The following PAXX variants were observed in gnomAD, a reference collection of about 807,000 sequenced individuals.
The protein encoded by PAXX is PAXX non-homologous end joining factor, also known as protein PAXX.
Under a neutral mutation model 25.6 loss-of-function variants are expected in PAXX, and 27 were observed. That is an observed-to-expected ratio of 1.06 (90% confidence interval 0.78 to 1.46). The LOEUF (loss-of-function observed/expected upper bound fraction) is 1.46, where lower values mean the gene tolerates loss of function less well. Ranked by LOEUF, PAXX falls within the 40% of genes most tolerant of loss-of-function variation. PAXX has a pLI of 0.00. For synonymous variants in PAXX, 126 were observed against 125.7 expected, an observed-to-expected ratio of 1.00 and a Z score of -0.02; for missense variants, 295 against 280.2, an observed-to-expected ratio of 1.05 and a Z score of -0.38.
rs758022434 is a variant in PAXX at position 136,993,573 on chromosome 9, C to T, written c.491-7C>T. On this transcript the variant is annotated splice_polypyrimidine_tract_variant and splice_region_variant and intron_variant, in intron 5 of 6. Transcript: ENST00000371620. Reference sequence around the variant, plus strand: ...TCAGGAGCTGCCCCTGTCCTGTTTTCCCCCAGACCCAGATCCCCAGAGAGG... The same window carrying T: ...TCAGGAGCTGCCCCTGTCCTGTTTTTCCCCAGACCCAGATCCCCAGAGAGG... 1.9e-6 allele frequency: 3 copies of T among 1,613,690 alleles called. No homozygotes were observed. The highest frequency in any genetic ancestry group is 3.3e-5 in the Admixed American group (2 of 60,002).
Position 136,993,877 on chromosome 9 carries a change from A to T in PAXX, c.*72A>T, listed in dbSNP as rs1034274207. On this transcript the variant is annotated 3_prime_UTR_variant, in exon 7 of 7. Transcript: ENST00000371620. Reference sequence around the variant, plus strand: ...AGAGGCAGTCTTTGAGGCCCCCATCAGAGACCCCCCGCCACCACCTCCACC... The same window carrying T: ...AGAGGCAGTCTTTGAGGCCCCCATCTGAGACCCCCCGCCACCACCTCCACC... 21 of 1,498,856 alleles carry T rather than the reference A, an allele frequency of 1.4e-5. No individual in the cohort carries two copies. The East Asian group carries it at 1.6e-4, about 12-fold the overall frequency. The allele number at this position is 1,498,856 out of a possible 1,614,324, so 92.8% of individuals were successfully genotyped here.
chr9:136,993,162 G>C lies in PAXX; in HGVS notation c.340G>C (p.Gly114Arg). The change falls in exon 4 of 7, where the codon GGC becomes CGC. Residue 114 changes from glycine (G) to arginine (R), a missense_variant. Coordinates refer to ENST00000371620, the MANE Select transcript of PAXX (RefSeq NM_183241.3). Reference protein sequence around the residue: ...ALAFDLSKVPGPEAAPRLRAL... With the variant: ...ALAFDLSKVPRPEAAPRLRAL... ...GGCCTTTGACCTCTCCAAGGTACCA[G>C]GCCCAGAGGCAGCCCCCAGGCTGCG... The C allele has an allele frequency of 1.3e-6, 2 of 1,566,700 alleles. No individual in the cohort carries two copies. The highest frequency in any genetic ancestry group is 1.7e-6 in the Non-Finnish European group (2 of 1,158,134).
rs1186899276 is a variant in PAXX, at chr9:136,992,664, G to C, written c.144G>C (p.Trp48Cys). ...NLYVTDAAEL[W>C]STCFTPDSLA... ...GCGTGACCGACGCCGCGGAGCTTTG[G>C]AGCACCTGCTTCACGCCGGACAGCC... is the stretch of plus-strand genomic sequence containing the variant. The change falls in exon 2 of 7, where the codon TGG becomes TGC. Residue 48 changes from tryptophan to cysteine, a missense_variant. Physicochemically the swap from Trp to Cys is radical, Grantham distance 215. Coordinates refer to ENST00000371620, the MANE Select transcript of PAXX (RefSeq NM_183241.3). 1 of 1,540,856 alleles carries C rather than the reference G, an allele frequency of 6.5e-7. No homozygotes were observed. Among genetic ancestry groups the C allele is most frequent in the African/African-American group, 1.4e-5 (1 of 73,058 alleles).
intron 1 of PAXX, 33 bp from the exon 2 acceptor site, chr9:136,992,607 G>A: frequency 1.3e-6 from 2 of 1,531,790 alleles, no homozygotes; most frequent in South Asian, 1.2e-5. Flanking sequence ...GGAGCTCCGC[G>A]GGCGGCCCCG....
chr9:136,993,215 C>CCTGGCCAGGA lies in PAXX; in HGVS notation c.393_394insCTGGCCAGGA (p.Val132LeufsTer65), dbSNP rs1409484641. The CCTGGCCAGGA allele has an allele frequency of 1.9e-6, 3 of 1,538,842 alleles. No homozygotes were observed. In the African/African-American group the frequency reaches 4.1e-5, roughly 21 times the overall value. ...CGCTGACACTGGGCCTGGCAAAACG[C>CCTGGCCAGGA]GTGTGGAGCCTGGAGCGGCGACTGG... On this transcript the variant is annotated frameshift_variant, in exon 4 of 7. Coordinates refer to ENST00000371620, the MANE Select transcript of PAXX (RefSeq NM_183241.3). LOFTEE classifies it high-confidence loss of function.
intron 4 of PAXX, 45 bp downstream of exon 4, chr9:136,993,288 G>A (rs1179417798): frequency 2.1e-5 from 33 of 1,577,508 alleles, no homozygotes; most frequent in Non-Finnish European, 2.8e-5. Context: ...GGGGTCCCCT[G>A]CTCTTGCCCC....
In PAXX at chr9:136,993,491, G is replaced by A. The variant is rs556185573; in HGVS notation, c.490+80G>A. On this transcript the variant is annotated intron_variant, in intron 5 of 6. Coordinates refer to ENST00000371620, the MANE Select transcript of PAXX (RefSeq NM_183241.3). The stretch of plus-strand genomic sequence containing the variant: ...CAGTTTCCCCCCAAACAAGACTCAC[G>A]CTCCAGAGAGAATGCCTATCTATTC... The A allele has an allele frequency of 9.7e-5, 155 of 1,597,276 alleles. No individual in the cohort carries two copies. In the African/African-American group the frequency reaches 1.8e-3, roughly 18 times the overall value.
rs1386468517 is a variant in PAXX, at chr9:136,993,417, G to C, written c.490+6G>C. On this transcript the variant is annotated splice_donor_region_variant and intron_variant, in intron 5 of 6. Coordinates refer to ENST00000371620, the MANE Select transcript of PAXX (RefSeq NM_183241.3). ...GCCTCAGCTCTTCTTACCAGGTAAG[G>C]CATGTCCGCCTGTGACTCAAGTAGG... is the stretch of plus-strand genomic sequence containing the variant. 2 of 1,604,740 alleles carry C rather than the reference G, an allele frequency of 1.2e-6. No homozygotes were observed. The highest frequency in any genetic ancestry group is 3.4e-5 in the Admixed American group (2 of 58,972).
Position 136,993,909 on chromosome 9 carries a change from T to G in PAXX, c.*104T>G. ...CCCCGCCACCACCTCCACCTGCCTG[T>G]CCTGGGCCAGGACTAACACGGCTCC... On this transcript the variant is annotated 3_prime_UTR_variant, in exon 7 of 7. Coordinates refer to ENST00000371620, the MANE Select transcript of PAXX (RefSeq NM_183241.3). 1 of 1,171,620 alleles carries G rather than the reference T, an allele frequency of 8.5e-7. No homozygotes were observed. The highest frequency in any genetic ancestry group is 1.2e-6 in the Non-Finnish European group (1 of 810,044). 72.6% of individuals were successfully genotyped at this position (1,171,620 alleles called of 1,614,324 possible).
In PAXX at chr9:136,992,666, G is replaced by T; in HGVS notation, c.146G>T (p.Ser49Ile). 1 of 1,540,908 alleles carries T rather than the reference G, an allele frequency of 6.5e-7. No individual in the cohort carries two copies. The change falls in exon 2 of 7, where the codon AGC becomes ATC. Residue 49 changes from serine (S) to isoleucine (I), a missense_variant. By Grantham distance (142) the Ser-to-Ile change is moderately radical. Transcript: ENST00000371620. ...GTGACCGACGCCGCGGAGCTTTGGA[G>T]CACCTGCTTCACGCCGGACAGCCTG... Reference protein sequence around the residue: ...LYVTDAAELWSTCFTPDSLAA... With the variant: ...LYVTDAAELWITCFTPDSLAA...
Position 136,992,947 on chromosome 9 carries a change from C to T in PAXX, c.203C>T (p.Ala68Val), listed in dbSNP as rs995550198. 3 of 1,613,448 alleles carry T rather than the reference C, an allele frequency of 1.9e-6. No homozygotes were observed. Among genetic ancestry groups the T allele is most frequent in the African/African-American group, 1.3e-5 (1 of 74,910 alleles). Residue 68 changes from alanine to valine, a missense_variant, in exon 3 of 7, where the codon GCG becomes GTG. By Grantham distance (64) the Ala-to-Val change is moderately conservative. Transcript: ENST00000371620. ...AALKARFGLS[A>V]AEDITPRFRA... is the part of the protein sequence containing the mutation. ...TAGAAAGCCCGTTTTGGCCTGAGTG[C>T]GGCTGAGGACATCACCCCCCGGTTC...
Position 136,992,911 on chromosome 9 carries a change from C to G in PAXX, c.181-14C>G, listed in dbSNP as rs941021386. On this transcript the variant is annotated splice_polypyrimidine_tract_variant and intron_variant, in intron 2 of 6. Transcript: ENST00000371620. Reference sequence around the variant, plus strand: ...GGTTCCAGGCAGCTCGTGACAAGCCCCTGTGCTCTCTAGAAAGCCCGTTTT... The same window carrying G: ...GGTTCCAGGCAGCTCGTGACAAGCCGCTGTGCTCTCTAGAAAGCCCGTTTT... The G allele has an allele frequency of 6.2e-7, 1 of 1,613,474 alleles. No homozygotes were observed.
rs1415871607 is a variant in PAXX at position 136,992,942 on chromosome 9, G to T, written c.198G>T (p.Leu66=). The change falls in exon 3 of 7, where the codon CTG becomes CTT. Residue 66 remains leucine (L), a synonymous_variant. Coordinates refer to ENST00000371620, the MANE Select transcript of PAXX (RefSeq NM_183241.3). ...CTCTCTAGAAAGCCCGTTTTGGCCTGAGTGCGGCTGAGGACATCACCCCCC... is the reference window on the plus strand; with the variant it reads ...CTCTCTAGAAAGCCCGTTTTGGCCTTAGTGCGGCTGAGGACATCACCCCCC... ...SLAALKARFG[L]SAAEDITPRF... 3.1e-6 allele frequency: 5 copies of T among 1,613,592 alleles called. No homozygotes were observed. Among genetic ancestry groups the T allele is most frequent in the Non-Finnish European group, 4.2e-6 (5 of 1,179,984 alleles).
Position 136,993,667 on chromosome 9 carries a change from A to G in PAXX, c.575+3A>G. On this transcript the variant is annotated splice_donor_region_variant and intron_variant, in intron 6 of 6. Coordinates refer to ENST00000371620, the MANE Select transcript of PAXX (RefSeq NM_183241.3). ...CTCATCAACCCCGGGTTCAAGAGGT[A>G]CCCTCCCACAGCCCCCTTCCTGCGC... The G allele has an allele frequency of 1.2e-6, 2 of 1,613,456 alleles. No homozygotes were observed. The highest frequency in any genetic ancestry group is 1.7e-6 in the Non-Finnish European group (2 of 1,179,878).
Position 136,992,652 on chromosome 9 carries a change from C to T in PAXX, c.132C>T (p.Ala44=). The change falls in exon 2 of 7, where the codon GCC becomes GCT. Residue 44 remains alanine (A), a synonymous_variant. Transcript: ENST00000371620. The part of the protein sequence containing the change: ...RGGFNLYVTD[A]AELWSTCFTP... ...CCTTCTCCCCCAGCGTGACCGACGC[C>T]GCGGAGCTTTGGAGCACCTGCTTCA... The T allele has an allele frequency of 1.3e-6, 2 of 1,541,360 alleles. No individual in the cohort carries two copies. Among genetic ancestry groups the T allele is most frequent in the Non-Finnish European group, 1.7e-6 (2 of 1,146,778 alleles).
At position 136,992,437 on chromosome 9, in the gene PAXX, C is replaced by G. The variant is rs1358414869; in HGVS notation, c.-7C>G. The G allele has an allele frequency of 1.6e-6, 2 of 1,213,794 alleles. No individual in the cohort carries two copies. Among genetic ancestry groups the G allele is most frequent in the Admixed American group, 3.9e-5 (1 of 25,410 alleles). 75.2% of individuals were successfully genotyped at this position (1,213,794 alleles called of 1,614,324 possible). A position where few individuals can be genotyped will look rare whatever the true frequency, so the allele number is the denominator to read the frequency against. ...CCGCCCCGCCGGGTTCCCGCTCGCC[C>G]GGCGCCATGGATCCGCTGTCGCCGC... On this transcript the variant is annotated 5_prime_UTR_variant, in exon 1 of 7. Coordinates refer to ENST00000371620, the MANE Select transcript of PAXX (RefSeq NM_183241.3).
rs1830600631 is a variant in PAXX at position 136,992,557 on chromosome 9, C to T, written c.114C>T (p.Asn38=). 1 of 1,496,352 alleles carries T rather than the reference C, an allele frequency of 6.7e-7. No homozygotes were observed. The highest frequency in any genetic ancestry group is 8.9e-7 in the Non-Finnish European group (1 of 1,117,880). The allele number at this position is 1,496,352 out of a possible 1,614,324, so 92.7% of individuals were successfully genotyped here. The change falls in exon 1 of 7, where the codon AAC becomes AAT. Residue 38 remains asparagine, a synonymous_variant. Transcript: ENST00000371620. ...ESGEGDRGGF[N]LYVTDAAELW... ...GGGAGGGGGACCGCGGCGGCTTCAA[C>T]CTCTAGTGAGTGGGGGTCCGCGGGG...
chr9:136,993,543 C>G, intron 5 of PAXX, 37 bp from the exon 6 acceptor site: 2 of 1,610,196 alleles, frequency 1.2e-6, no homozygotes, highest in Non-Finnish European at 1.7e-6. Flanking sequence ...GGGATGCTGC[C>G]AGGTTCAGGA....
chr9:136,993,470 T>G, intron 5 of PAXX, 59 bp downstream of exon 5: 1 of 1,596,678 alleles, frequency 6.3e-7, no homozygotes, highest in East Asian at 2.3e-5. Context: ...GGAACTCAGT[T>G]TCCCCCCAAA....
Sources: gnomAD v4.1 joint callset for allele counts on GRCh38, gnomAD v4.1.1 for gene constraint, MANE v1.5 for transcripts, NCBI Gene and HGNC (gene_info 2026-07-23, HGNC 2026-07-21) for gene names.